Variants in RAB5C observed in about 807,000 individuals in gnomAD.
The protein encoded by RAB5C is RAB5C, member RAS oncogene family.
RAB5C carries 4 observed loss-of-function variants against 25.2 expected under a neutral mutation model. The observed-to-expected ratio is 0.16, with a 90% CI of 0.08 to 0.36. The LOEUF is 0.36. Ranked by LOEUF, RAB5C falls within the 10% of genes least tolerant of loss-of-function variation. RAB5C has a pLI of 1.00. For synonymous variants in RAB5C, 100 were observed against 106.4 expected (o/e 0.94, Z 0.37); for missense variants, 199 against 283.8 (o/e 0.70, Z 2.15).
rs142911530 is a variant in RAB5C at position 42,137,044 on chromosome 17, G to A, written c.-88-6454C>T. ...ATTGCCGCCGGGTGAGGTGGCTCAT[G>A]CCTGTAATCCCAGCACTTTGGGAGG... On this transcript the variant is annotated intron_variant, in intron 1 of 5. Coordinates refer to ENST00000346213, the MANE Select transcript of RAB5C (RefSeq NM_004583.4). Among the ~76,000 whole-genome samples the A allele has an allele frequency of 1.5e-4, 23 of 152,272 alleles. 1 individual carries two copies. In the East Asian group the frequency reaches 4.2e-3, roughly 28 times the overall value.
intron 1 of RAB5C, among the ~76,000 whole-genome samples, chr17:42,145,229 A>C (rs184993236): frequency 6.6e-6 from 1 of 152,278 alleles, no homozygotes; most frequent in African/African-American, 2.4e-5. Flanking sequence ...CTCCGCCCTC[A>C]ACAAGGGGAA....
At chr17:42,151,740 T>C (rs921203764) in intron 1 of RAB5C, among the ~76,000 whole-genome samples, 1 of 152,134 alleles carries the variant, frequency 6.6e-6, no homozygotes, top group African/African-American at 2.4e-5. Flanking sequence ...CATGTAGATG[T>C]CAGCAAACTC....
intron 1 of RAB5C, among the ~76,000 whole-genome samples, chr17:42,143,424 G>A (rs1263039673): frequency 6.6e-6 from 1 of 152,158 alleles, no homozygotes; most frequent in Admixed American, 6.5e-5. Context: ...ATCACTTGAG[G>A]TCAGGAGTTC....
At chr17:42,147,968 C>T (rs1016357105) in intron 1 of RAB5C, among the ~76,000 whole-genome samples, 6 of 152,188 alleles carry the variant, frequency 3.9e-5, no homozygotes, top group Non-Finnish European at 7.3e-5. Flanking sequence ...CGTGGTGGCA[C>T]ATGCCTGTAA....
At chr17:42,133,798 C>T (rs1180550655) in intron 1 of RAB5C, among the ~76,000 whole-genome samples, 1 of 152,210 alleles carries the variant, frequency 6.6e-6, no homozygotes. Flanking sequence ...TCACACACAT[C>T]ATGTTGAGTA....
chr17:42,131,120 A>G (rs1461399495), intron 1 of RAB5C, among the ~76,000 whole-genome samples: 3 of 152,194 alleles, frequency 2.0e-5, no homozygotes, highest in Non-Finnish European at 4.4e-5. Flanking sequence ...GGCCAACCTC[A>G]TGGCCATTCA....
chr17:42,148,047 G>A (rs1472548670), intron 1 of RAB5C, among the ~76,000 whole-genome samples: 5 of 151,920 alleles, frequency 3.3e-5, no homozygotes. Flanking sequence ...GTGGTGAGCT[G>A]AGATTGTGCC....
At chr17:42,141,823 G>A (rs1296040063) in intron 1 of RAB5C, among the ~76,000 whole-genome samples, 2 of 152,172 alleles carry the variant, frequency 1.3e-5, no homozygotes, top group Non-Finnish European at 2.9e-5. Flanking sequence ...GCCTGGCATC[G>A]GGAAGCATTC....
intron 1 of RAB5C, among the ~76,000 whole-genome samples, chr17:42,135,603 G>A (rs568042237): frequency 6.6e-6 from 1 of 152,164 alleles, no homozygotes; most frequent in Non-Finnish European, 1.5e-5. Context: ...TGCACAACTC[G>A]TAAGTGTGCA....
Position 42,125,810 on chromosome 17 carries a change from G to A in RAB5C, c.624C>T (p.Ala208=), listed in dbSNP as rs781923218. Residue 208 remains alanine, a synonymous_variant, in exon 6 of 6, where the codon GCC becomes GCT. Coordinates refer to ENST00000346213, the MANE Select transcript of RAB5C (RefSeq NM_004583.4). ...AGTTGCTGCAGCACTGGCTCCGGCTGGCTGGGTTGTTCTCCTGGAGGTCCA... is the reference window on the plus strand; with the variant it reads ...AGTTGCTGCAGCACTGGCTCCGGCTAGCTGGGTTGTTCTCCTGGAGGTCCA... ...RGVDLQENNP[A]SRSQCCSN 2.5e-6 allele frequency: 4 copies of A among 1,609,128 alleles called. No homozygotes were observed. The highest frequency in any genetic ancestry group is 3.4e-6 in the Non-Finnish European group (4 of 1,178,130).
At chr17:42,136,058 A>G (rs1038070575) in intron 1 of RAB5C, among the ~76,000 whole-genome samples, 1 of 152,206 alleles carries the variant, frequency 6.6e-6, no homozygotes, top group African/African-American at 2.4e-5. Flanking sequence ...ATTCCTGAAT[A>G]TTTAAACAAG....
chr17:42,149,143 G>A (rs987095752), intron 1 of RAB5C, among the ~76,000 whole-genome samples: 1 of 152,110 alleles, frequency 6.6e-6, no homozygotes, highest in Non-Finnish European at 1.5e-5. Context: ...TGATTACCTG[G>A]ATTTTGGCAC....
Position 42,139,311 on chromosome 17 carries a change from G to T in RAB5C, c.-88-8721C>A, listed in dbSNP as rs1333387721. On this transcript the variant is annotated intron_variant, in intron 1 of 5. Coordinates refer to ENST00000346213, the MANE Select transcript of RAB5C (RefSeq NM_004583.4). ...GTAGCACGGAAGGCCCACAGACAGG[G>T]CACTGCCTGCAGCTGCACCAGGCAA... Among the ~76,000 whole-genome samples the T allele has an allele frequency of 2.6e-5, 4 of 152,310 alleles. No homozygotes were observed. In the East Asian group the frequency reaches 7.7e-4, roughly 29 times the overall value.
At chr17:42,135,135 T>C (rs1220835021) in intron 1 of RAB5C, among the ~76,000 whole-genome samples, 3 of 151,978 alleles carry the variant, frequency 2.0e-5, no homozygotes, top group Non-Finnish European at 4.4e-5. Flanking sequence ...GTATACGTCA[T>C]TACACCCGGC....
chr17:42,144,929 A>G, intron 1 of RAB5C, among the ~76,000 whole-genome samples: 1 of 8,932 alleles, frequency 1.1e-4, no homozygotes. Flanking sequence ...CCGTCTCAAA[A>G]AAAAAAAAAA....
intron 1 of RAB5C, chr17:42,136,292 T>G (rs985718405): frequency 1.3e-5 from 2 of 152,154 alleles, no homozygotes; most frequent in Non-Finnish European, 2.9e-5. Flanking sequence ...CAGCTCTTCC[T>G]CAAAAGGGAA....
intron 1 of RAB5C, among the ~76,000 whole-genome samples, chr17:42,138,641 T>A (rs1489123263): frequency 6.6e-6 from 1 of 152,186 alleles, no homozygotes; most frequent in East Asian, 1.9e-4. Flanking sequence ...CAATAAGATT[T>A]CTGAGGCTTA....
intron 1 of RAB5C, among the ~76,000 whole-genome samples, chr17:42,153,641 G>A (rs567001528): frequency 6.6e-6 from 1 of 152,266 alleles, no homozygotes; most frequent in Admixed American, 6.5e-5. Context: ...CTCCACTGTA[G>A]ATAGCAAGGG....
intron 3 of RAB5C, 119 bp downstream of exon 3, chr17:42,128,530 T>TGGGGGGGGGGGGG: frequency 1.4e-6 from 1 of 730,794 alleles, no homozygotes; most frequent in Non-Finnish European, 2.1e-6. Flanking sequence ...ACAGGAAATC[T>TGGGGGGGGGGGGG]GCCCACCCCC....
Sources: allele counts gnomAD v4.1 joint callset (sites outside exome capture counted in the v4.1 genomes callset), GRCh38; gene constraint gnomAD v4.1.1; transcripts MANE v1.5; gene names NCBI Gene and HGNC (gene_info 2026-07-23, HGNC 2026-07-21).